Variants in NCAPD2 observed in about 807,000 individuals in gnomAD.
The protein encoded by NCAPD2 is non-SMC condensin I complex subunit D2.
In NCAPD2, 100 loss-of-function variants were observed where a neutral mutation model predicts 164.5. The observed-to-expected ratio is 0.61, with a 90% CI of 0.52 to 0.72. The LOEUF (loss-of-function observed/expected upper bound fraction) is 0.72. Ranked by LOEUF, NCAPD2 falls within the 30% of genes least tolerant of loss-of-function variation. The pLI is 0.00. For missense variants in NCAPD2, 1,560 were observed against 1,749.2 expected (o/e 0.89, Z 1.93); for synonymous variants, 585 against 642.6 (o/e 0.91, Z 1.36).
chr12:6,514,151 G>T, intron 6 of NCAPD2, 114 bp from the exon 7 acceptor site: 1 of 1,414,264 alleles, frequency 7.1e-7, no homozygotes. Context: ...GTAATGGCTA[G>T]AATAAAGAAA....
At chr12:6,510,865 G>C in intron 5 of NCAPD2, 55 bp downstream of exon 5, 1 of 1,560,146 alleles carries the variant, frequency 6.4e-7, no homozygotes, top group Non-Finnish European at 8.7e-7. Context: ...TAGGGGAATA[G>C]ATGGAAAAGA....
intron 2 of NCAPD2, among the ~76,000 whole-genome samples, chr12:6,503,807 G>A (rs1304083063): frequency 6.9e-6 from 1 of 144,434 alleles, no homozygotes; most frequent in Non-Finnish European, 1.5e-5. Context: ...GTGAAACCCC[G>A]TCTCTACTAA....
At position 6,526,514 on chromosome 12, in the gene NCAPD2, T is replaced by G; in HGVS notation, c.2633T>G (p.Leu878Arg). The G allele has an allele frequency of 6.2e-7, 1 of 1,614,094 alleles. No individual in the cohort carries two copies. The highest frequency in any genetic ancestry group is 8.5e-7 in the Non-Finnish European group (1 of 1,180,010). ...KEVAVTLIYQ[L>R]AEGPEVICAQ... ...GTGGCAGTGACCCTCATTTACCAAC[T>G]GGCAGAGGGCCCCGAAGTGATCTGT... The change falls in exon 21 of 32, where the codon CTG becomes CGG. Residue 878 changes from leucine (L) to arginine (R), a missense_variant. Leu to Arg is a moderately radical substitution (Grantham distance 102). Transcript: ENST00000315579.
intron 17 of NCAPD2, 126 bp from the exon 18 acceptor site, chr12:6,525,457 T>C: frequency 8.6e-7 from 1 of 1,168,872 alleles, no homozygotes; most frequent in Non-Finnish European, 1.2e-6. Flanking sequence ...AACCTCCTCT[T>C]TTCTTTTTCT....
rs1565544150 is a variant in NCAPD2, at chr12:6,518,512, T to TTTTTTTTTG, written c.1589+561_1589+562insGTTTTTTTT. Among the ~76,000 whole-genome samples the TTTTTTTTTG allele has an allele frequency of 2.8e-4, 29 of 103,518 alleles. 2 individuals carry two copies. The highest frequency in any genetic ancestry group is 1.0e-3 in the African/African-American group (25 of 24,236). 67.9% of individuals were successfully genotyped at this position (103,518 alleles called of 152,430 possible). ...CTTACAGCCGTCAACAAGTTTTTTT[T>TTTTTTTTTG]TTTTTTTTTTTTTTTTTTTTTTGAG... On this transcript the variant is annotated intron_variant, in intron 13 of 31. Transcript: ENST00000315579.
Position 6,509,788 on chromosome 12 carries a change from T to G in NCAPD2, c.199T>G (p.Leu67Val), listed in dbSNP as rs760738086. 1 of 1,613,772 alleles carries G rather than the reference T, an allele frequency of 6.2e-7. No homozygotes were observed. Among genetic ancestry groups the G allele is most frequent in the Non-Finnish European group, 8.5e-7 (1 of 1,179,810 alleles). Residue 67 changes from leucine (L) to valine (V), a missense_variant, in exon 3 of 32, where the codon TTG becomes GTG. Coordinates refer to ENST00000315579, the MANE Select transcript of NCAPD2 (RefSeq NM_014865.4). ...LQHFDTIYSI[L>V]HHFRSIDPGL... ...GCACTTTGATACTATCTACAGCATT[T>G]TGCAGTAAGTGAAACACCCAACTGG... is the stretch of plus-strand genomic sequence containing the variant.
intron 10 of NCAPD2, 25 bp downstream of exon 10, chr12:6,517,050 A>T (rs749491399): frequency 6.2e-7 from 1 of 1,609,580 alleles, no homozygotes; most frequent in African/African-American, 1.3e-5. Flanking sequence ...TGTGGCAAAA[A>T]CATATGGTAC....
In NCAPD2 at chr12:6,495,135, T is replaced by C; in HGVS notation, c.37T>C (p.Ser13Pro). The change falls in exon 2 of 32, where the codon TCC becomes CCC. Residue 13 changes from serine to proline, a missense_variant. By Grantham distance (74) the Ser-to-Pro change is moderately conservative. Transcript: ENST00000315579. Reference protein sequence around the residue: ...PQMYEFHLPLSPEELLKSGGV... With the variant: ...PQMYEFHLPLPPEELLKSGGV... Reference sequence around the variant, plus strand: ...AATGTATGAGTTCCATCTGCCATTATCCCCAGAGGAGTTGTTGAAAAGTGG... The same window carrying C: ...AATGTATGAGTTCCATCTGCCATTACCCCCAGAGGAGTTGTTGAAAAGTGG... The C allele has an allele frequency of 6.2e-7, 1 of 1,614,122 alleles. No individual in the cohort carries two copies. Among genetic ancestry groups the C allele is most frequent in the Non-Finnish European group, 8.5e-7 (1 of 1,180,020 alleles).
chr12:6,504,218 G>GTATATATATATATATAT (rs1946076275), intron 2 of NCAPD2, among the ~76,000 whole-genome samples: 8 of 29,948 alleles, frequency 2.7e-4, no homozygotes, highest in African/African-American at 1.6e-3. Flanking sequence ...TATATATATA[G>GTATATATATATATATAT]ATATAGATAT....
At chr12:6,523,172 G>A in intron 16 of NCAPD2, 90 bp from the exon 17 acceptor site, 6 of 1,477,522 alleles carry the variant, frequency 4.1e-6, no homozygotes, top group African/African-American at 1.4e-5. Flanking sequence ...GAGCAGTTTT[G>A]TAGCACTGTG....
intron 2 of NCAPD2, among the ~76,000 whole-genome samples, chr12:6,508,725 G>T (rs1294799835): frequency 6.6e-6 from 1 of 152,164 alleles, no homozygotes; most frequent in African/African-American, 2.4e-5. Flanking sequence ...AAAAATACTG[G>T]TTGCAAAGGG....
intron 2 of NCAPD2, among the ~76,000 whole-genome samples, chr12:6,509,304 C>G (rs1393026295): frequency 6.6e-6 from 1 of 152,076 alleles, no homozygotes; most frequent in Non-Finnish European, 1.5e-5. Flanking sequence ...TCTTGTTGCC[C>G]AGGCTGGAGT....
At chr12:6,495,397 G>C (rs1945969861) in intron 2 of NCAPD2, among the ~76,000 whole-genome samples, 172 bp downstream of exon 2, 1 of 152,218 alleles carries the variant, frequency 6.6e-6, no homozygotes, top group African/African-American at 2.4e-5. Context: ...ATGACCCAAA[G>C]AGTACATTCA....
chr12:6,524,173 G>A (rs1227092854), intron 17 of NCAPD2, among the ~76,000 whole-genome samples: 3 of 152,122 alleles, frequency 2.0e-5, no homozygotes, highest in Non-Finnish European at 2.9e-5. Context: ...GAAAGAGAGC[G>A]GTTTGGGGTA....
Position 6,528,546 on chromosome 12 carries a change from C to T in NCAPD2, c.3300-133C>T, listed in dbSNP as rs1421401577. On this transcript the variant is annotated intron_variant, in intron 25 of 31. Coordinates refer to ENST00000315579, the MANE Select transcript of NCAPD2 (RefSeq NM_014865.4). The surrounding 1 kb of genome is among the most constrained non-coding windows in gnomAD (Gnocchi z 5.1). ...CTCTTTCCCCCACTCCAGCTTTCAA[C>T]TCTAGACAGCTTTCTGACTGCTTCT... 4.9e-6 allele frequency: 6 copies of T among 1,227,428 alleles called. No individual in the cohort carries two copies. The highest frequency in any genetic ancestry group is 3.0e-5 in the African/African-American group (2 of 66,010). The allele number at this position is 1,227,428 out of a possible 1,614,324, so 76.0% of individuals were successfully genotyped here. A position where few individuals can be genotyped will look rare whatever the true frequency, so the allele number is the denominator to read the frequency against.
intron 6 of NCAPD2, among the ~76,000 whole-genome samples, chr12:6,512,489 C>T (rs959682222): frequency 1.3e-5 from 2 of 152,272 alleles, no homozygotes; most frequent in African/African-American, 2.4e-5. Flanking sequence ...CCAGCACGTA[C>T]GAGCAATAGC....
At chr12:6,530,878 G>C (rs560784891) in intron 30 of NCAPD2, 43 bp from the exon 31 acceptor site, 1 of 1,613,046 alleles carries the variant, frequency 6.2e-7, no homozygotes, top group African/African-American at 1.3e-5. Flanking sequence ...GCAGTGATTT[G>C]TTTCTTCTTC....
In NCAPD2 at chr12:6,516,863, G is replaced by A; in HGVS notation, c.1023G>A (p.Met341Ile). 1 of 1,614,188 alleles carries A rather than the reference G, an allele frequency of 6.2e-7. No homozygotes were observed. The highest frequency in any genetic ancestry group is 8.5e-7 in the Non-Finnish European group (1 of 1,180,038). The change falls in exon 10 of 32, where the codon ATG becomes ATA. Residue 341 changes from methionine to isoleucine, a missense_variant. Transcript: ENST00000315579. ...YMMRNAVLAA[M>I]AEMVLQVLSG... ...TGCGTAATGCTGTGCTGGCAGCCAT[G>A]GCGGAGATGGTGCTGCAGGTTCTCA...
chr12:6,500,635 G>A (rs951388652), intron 2 of NCAPD2, among the ~76,000 whole-genome samples: 1 of 152,188 alleles, frequency 6.6e-6, no homozygotes, highest in Non-Finnish European at 1.5e-5. Flanking sequence ...GGATGTCAAA[G>A]CTGCTGAATC....
Sources: gnomAD v4.1 joint callset for allele counts (sites outside exome capture counted in the v4.1 genomes callset) on GRCh38, gnomAD v4.1.1 for gene constraint, Gnocchi (gnomAD v3.1) non-coding constraint, MANE v1.5 for transcripts, NCBI Gene and HGNC (gene_info 2026-07-23, HGNC 2026-07-21) for gene names.